The following COL24A1 variants were observed in gnomAD, a reference collection of about 807,000 sequenced individuals.
COL24A1 encodes the protein collagen alpha-1(XXIV) chain.
COL24A1 carries 224 observed loss-of-function variants against 253.9 expected under a neutral mutation model. That is an observed-to-expected ratio of 0.88 (90% CI 0.79 to 0.99). The LOEUF is 0.99. Ranked by LOEUF, COL24A1 falls within the 50% of genes least tolerant of loss-of-function variation. COL24A1 has a pLI of 0.00. For missense variants in COL24A1, 2,131 were observed against 2,068.5 expected (o/e 1.03, Z -0.59); for synonymous variants, 685 against 673.7 (o/e 1.02, Z -0.26).
intron 24 of COL24A1, among the ~76,000 whole-genome samples, chr1:85,947,596 C>T (rs1027704426): frequency 2.6e-5 from 4 of 152,098 alleles, no homozygotes; most frequent in African/African-American, 9.6e-5. Context: ...AATAAAGAGC[C>T]TCTGATAATT....
At chr1:85,994,798 T>C (rs1694622018) in intron 19 of COL24A1, among the ~76,000 whole-genome samples, 1 of 152,212 alleles carries the variant, frequency 6.6e-6, no homozygotes, top group Non-Finnish European at 1.5e-5. Context: ...GGAAATATTC[T>C]GTCTTCTGAG....
chr1:86,091,018 TA>T (rs1703455271), intron 6 of COL24A1, among the ~76,000 whole-genome samples: 1 of 152,134 alleles, frequency 6.6e-6, no homozygotes, highest in Non-Finnish European at 1.5e-5. Context: ...CTCTAATTTC[TA>T]AATTTTAAGT....
chr1:85,825,322 A>G (rs1254609198), intron 43 of COL24A1, among the ~76,000 whole-genome samples: 2 of 152,018 alleles, frequency 1.3e-5, no homozygotes, highest in African/African-American at 2.4e-5. Flanking sequence ...CCAGTCTATC[A>G]TTGTTGGACA....
chr1:85,872,720 A>T (rs147371200), intron 35 of COL24A1, among the ~76,000 whole-genome samples: 1,524 of 152,350 alleles, frequency 0.01, 26 homozygotes, highest in African/African-American at 0.035. Context: ...TGTTACACTT[A>T]AAACCATAAA....
intron 4 of COL24A1, among the ~76,000 whole-genome samples, chr1:86,113,572 A>C (rs1382245917): frequency 6.6e-6 from 1 of 152,128 alleles, no homozygotes; most frequent in Non-Finnish European, 1.5e-5. Flanking sequence ...GGTGGCTTAC[A>C]CCTGTAATTC....
chr1:85,905,301 G>A (rs1684695282), intron 28 of COL24A1, among the ~76,000 whole-genome samples: 1 of 152,036 alleles, frequency 6.6e-6, no homozygotes, highest in Non-Finnish European at 1.5e-5. Context: ...CATTTTTTGT[G>A]AGTGAAAAAC....
chr1:85,841,552 A>C (rs1414683878), intron 41 of COL24A1, among the ~76,000 whole-genome samples: 1 of 152,188 alleles, frequency 6.6e-6, no homozygotes, highest in Non-Finnish European at 1.5e-5. Context: ...ATTGTAAATT[A>C]AGAATACTGC....
At position 85,801,527 on chromosome 1, in the gene COL24A1, A is replaced by G. The variant is rs1430974285; in HGVS notation, c.3952-15066T>C. On this transcript the variant is annotated intron_variant, in intron 47 of 59. Transcript: ENST00000370571. ...CTCTTTCCAGCAGTTCCTGATCTCA[A>G]CTTGATTCTAGTAACATCATTTCTT... Among the ~76,000 whole-genome samples, 5 of 152,300 alleles carry G rather than the reference A, an allele frequency of 3.3e-5. No individual in the cohort carries two copies. The East Asian group carries it at 9.6e-4, about 29-fold the overall frequency.
intron 3 of COL24A1, among the ~76,000 whole-genome samples, chr1:86,121,571 CTT>C (rs1040864759): frequency 2.6e-5 from 4 of 151,892 alleles, no homozygotes; most frequent in East Asian, 1.9e-4. Context: ...AAAAGAAACT[CTT>C]TGATGAAAGC....
intron 31 of COL24A1, among the ~76,000 whole-genome samples, chr1:85,892,803 T>C (rs1683264000): frequency 6.6e-6 from 1 of 152,050 alleles, no homozygotes; most frequent in African/African-American, 2.4e-5. Flanking sequence ...TTTGTGGCAC[T>C]TCACAATAAA....
At chr1:85,949,033 T>G (rs1689632550) in intron 24 of COL24A1, among the ~76,000 whole-genome samples, 1 of 152,190 alleles carries the variant, frequency 6.6e-6, no homozygotes, top group Non-Finnish European at 1.5e-5. Flanking sequence ...ATCTTTTCAG[T>G]ATCGGTTATC....
chr1:85,777,989 A>C (rs762097694), intron 52 of COL24A1, among the ~76,000 whole-genome samples: 14 of 151,714 alleles, frequency 9.2e-5, no homozygotes, highest in Non-Finnish European at 1.9e-4. Flanking sequence ...TCAAACTATA[A>C]GAGCTCTTGG....
chr1:85,967,170 C>G (rs72954569), intron 22 of COL24A1, among the ~76,000 whole-genome samples: 5 of 152,050 alleles, frequency 3.3e-5, no homozygotes, highest in Non-Finnish European at 5.9e-5. Flanking sequence ...TGGGTAGATG[C>G]AATGTCAGAA....
At chr1:85,924,745 C>T (rs868745955) in intron 24 of COL24A1, among the ~76,000 whole-genome samples, 6 of 152,134 alleles carry the variant, frequency 3.9e-5, no homozygotes, top group Admixed American at 1.3e-4. Flanking sequence ...GGAAGCATTC[C>T]CTTTGAAAAC....
chr1:85,827,657 G>T (rs1674563484), intron 43 of COL24A1, among the ~76,000 whole-genome samples: 1 of 152,006 alleles, frequency 6.6e-6, no homozygotes. Context: ...TCTTGGGAGG[G>T]TGTATGTGTC....
At chr1:86,143,137 A>AT (rs960666598) in intron 2 of COL24A1, among the ~76,000 whole-genome samples, 23 of 152,320 alleles carry the variant, frequency 1.5e-4, no homozygotes, top group Admixed American at 1.0e-3. Context: ...CCAAGTGCAT[A>AT]TTCTCAGGAT....
chr1:86,066,154 C>T (rs1701460702), intron 7 of COL24A1, among the ~76,000 whole-genome samples: 1 of 151,724 alleles, frequency 6.6e-6, no homozygotes, highest in African/African-American at 2.4e-5. Context: ...TTTTAGATTC[C>T]ATGGGATCCC....
At chr1:85,854,085 T>A (rs1030089969) in intron 37 of COL24A1, among the ~76,000 whole-genome samples, 1 of 152,216 alleles carries the variant, frequency 6.6e-6, no homozygotes, top group Non-Finnish European at 1.5e-5. Context: ...TCTAAGGTTT[T>A]TATAGTTTTA....
At chr1:85,837,575 A>G (rs1052997888) in intron 43 of COL24A1, among the ~76,000 whole-genome samples, 3 of 152,190 alleles carry the variant, frequency 2.0e-5, no homozygotes, top group African/African-American at 7.2e-5. Context: ...AAGAAAGAAG[A>G]CATATGCCAA....
Sources: allele counts gnomAD v4.1 joint callset (sites outside exome capture counted in the v4.1 genomes callset), GRCh38; gene constraint gnomAD v4.1.1; transcripts MANE v1.5; gene names NCBI Gene and HGNC (gene_info 2026-07-23, HGNC 2026-07-21).